Variants in CACNA2D1 observed in about 807,000 individuals in gnomAD.
CACNA2D1 encodes voltage-dependent calcium channel subunit alpha-2/delta-1.
Under a neutral mutation model 171.5 loss-of-function variants are expected in CACNA2D1, and 53 were observed. That is an observed-to-expected ratio of 0.31 (90% CI 0.25 to 0.39). The LOEUF is 0.39. Among genes scored for constraint, CACNA2D1 ranks in the 10% least tolerant of loss-of-function variants. CACNA2D1 has a pLI of 1.00. For synonymous variants in CACNA2D1, 442 were observed against 443.1 expected, an observed-to-expected ratio of 1.00 and a Z score of 0.03; for missense variants, 903 against 1,299.8, an observed-to-expected ratio of 0.69 and a Z score of 4.69.
chr7:82,165,356 T>A (rs1288908811), intron 4 of CACNA2D1, among the ~76,000 whole-genome samples: 1 of 152,046 alleles, frequency 6.6e-6, no homozygotes, highest in African/African-American at 2.4e-5. Flanking sequence ...CGTACTATTG[T>A]CATTTTGGCT....
intron 1 of CACNA2D1, among the ~76,000 whole-genome samples, chr7:82,366,697 T>A (rs1384538070): frequency 1.3e-5 from 2 of 152,162 alleles, no homozygotes; most frequent in Non-Finnish European, 2.9e-5. Context: ...TGTATTTGTC[T>A]CTTTGGCAGA....
At chr7:82,184,105 G>A (rs973604509) in intron 3 of CACNA2D1, among the ~76,000 whole-genome samples, 8 of 150,108 alleles carry the variant, frequency 5.3e-5, no homozygotes, top group Non-Finnish European at 1.2e-4. Flanking sequence ...AATGAAAAGT[G>A]TGATCTTAGA....
At chr7:82,186,371 A>G (rs1256172446) in intron 3 of CACNA2D1, among the ~76,000 whole-genome samples, 2 of 152,144 alleles carry the variant, frequency 1.3e-5, no homozygotes, top group South Asian at 4.1e-4. Context: ...GATTGTCTTT[A>G]TCCCAGACCT....
chr7:82,068,474 T>A (rs913773948), intron 7 of CACNA2D1, among the ~76,000 whole-genome samples: 8 of 152,292 alleles, frequency 5.3e-5, no homozygotes, highest in African/African-American at 1.9e-4. Context: ...TAGAGGCAGT[T>A]GTTATTACAC....
At chr7:82,053,721 A>T (rs1027901500) in intron 10 of CACNA2D1, among the ~76,000 whole-genome samples, 1 of 152,134 alleles carries the variant, frequency 6.6e-6, no homozygotes, top group African/African-American at 2.4e-5. Context: ...AGTTCCATTA[A>T]TTGTGCGTGT....
intron 3 of CACNA2D1, among the ~76,000 whole-genome samples, chr7:82,292,141 G>C (rs1381162572): frequency 6.6e-6 from 1 of 152,084 alleles, no homozygotes; most frequent in African/African-American, 2.4e-5. Flanking sequence ...GTAGTGTGCT[G>C]TGACACTTCC....
chr7:82,344,774 G>C (rs973996441), intron 2 of CACNA2D1, among the ~76,000 whole-genome samples: 1 of 152,102 alleles, frequency 6.6e-6, no homozygotes, highest in African/African-American at 2.4e-5. Flanking sequence ...ACATCGTTAT[G>C]GTGCTGATTT....
At chr7:81,984,591 A>C in intron 22 of CACNA2D1, 44 bp downstream of exon 22, 74 of 1,000,776 alleles carry the variant, frequency 7.4e-5, no homozygotes, top group Non-Finnish European at 1.0e-4. Context: ...ATCTGATACT[A>C]GGAGATAACA....
chr7:82,062,573 T>A (rs1268995034), intron 9 of CACNA2D1, among the ~76,000 whole-genome samples: 1 of 150,332 alleles, frequency 6.7e-6, no homozygotes, highest in African/African-American at 2.5e-5. Context: ...TACATTTGAA[T>A]TATCTTTGAG....
intron 3 of CACNA2D1, among the ~76,000 whole-genome samples, chr7:82,287,768 T>A (rs2129389107): frequency 6.6e-6 from 1 of 152,294 alleles, no homozygotes; most frequent in Admixed American, 6.5e-5. Flanking sequence ...ATCAGCCATC[T>A]AACAACAAAC....
In CACNA2D1 at chr7:82,136,511, T is replaced by C. The variant is rs1431946395; in HGVS notation, c.396+124A>G. 10 of 658,060 alleles carry C rather than the reference T, an allele frequency of 1.5e-5. No homozygotes were observed. The East Asian group carries it at 2.5e-4, about 16-fold the overall frequency. 40.8% of individuals were successfully genotyped at this position (658,060 alleles called of 1,614,324 possible). ...TCTTCATTATCTCGTATCTAACTAGTATTTTGCTCATGCAGTCTAACATTG... is the reference window on the plus strand; with the variant it reads ...TCTTCATTATCTCGTATCTAACTAGCATTTTGCTCATGCAGTCTAACATTG... On this transcript the variant is annotated intron_variant, in intron 5 of 38. Transcript: ENST00000356860.
At chr7:82,359,733 T>C (rs1472386917) in intron 1 of CACNA2D1, among the ~76,000 whole-genome samples, 2 of 152,192 alleles carry the variant, frequency 1.3e-5, no homozygotes, top group Non-Finnish European at 2.9e-5. Context: ...CATACAGACA[T>C]ACTGTTTTAT....
intron 21 of CACNA2D1, among the ~76,000 whole-genome samples, chr7:81,989,274 G>A (rs796501870): frequency 1.6e-4 from 24 of 152,334 alleles, no homozygotes; most frequent in African/African-American, 5.3e-4. Flanking sequence ...ACTGATGGCC[G>A]TGCCAGACTT....
At chr7:82,031,957 G>A (rs1802752481) in intron 12 of CACNA2D1, among the ~76,000 whole-genome samples, 1 of 151,942 alleles carries the variant, frequency 6.6e-6, no homozygotes, top group Non-Finnish European at 1.5e-5. Flanking sequence ...ACACCAGAAA[G>A]AGTTTATAAT....
At chr7:82,339,584 A>C (rs1360215136) in intron 2 of CACNA2D1, among the ~76,000 whole-genome samples, 1 of 152,220 alleles carries the variant, frequency 6.6e-6, no homozygotes, top group Non-Finnish European at 1.5e-5. Flanking sequence ...AGTCAATGGC[A>C]TGTAACGAGC....
intron 1 of CACNA2D1, among the ~76,000 whole-genome samples, chr7:82,398,258 T>G (rs950546606): frequency 2.0e-5 from 3 of 152,230 alleles, no homozygotes; most frequent in Admixed American, 6.5e-5. Flanking sequence ...AATTTCTTCA[T>G]GATTTTTATT....
chr7:82,282,669 T>G (rs1273913986), intron 3 of CACNA2D1, among the ~76,000 whole-genome samples: 8 of 145,036 alleles, frequency 5.5e-5, no homozygotes, highest in African/African-American at 2.1e-4. Flanking sequence ...TCCATTTTAT[T>G]AAACAAAGTG....
intron 6 of CACNA2D1, among the ~76,000 whole-genome samples, chr7:82,110,941 C>T (rs541728681): frequency 1.7e-4 from 26 of 152,122 alleles, no homozygotes; most frequent in Non-Finnish European, 3.5e-4. Flanking sequence ...CCACTCCCCT[C>T]CAATAGAATG....
At chr7:82,048,355 A>G (rs1321831824) in intron 10 of CACNA2D1, among the ~76,000 whole-genome samples, 2 of 152,162 alleles carry the variant, frequency 1.3e-5, no homozygotes, top group Non-Finnish European at 2.9e-5. Flanking sequence ...TGTGCAATAA[A>G]CATGGATTAC....
Sources: gnomAD v4.1 joint callset for allele counts (sites outside exome capture counted in the v4.1 genomes callset) on GRCh38, gnomAD v4.1.1 for gene constraint, MANE v1.5 for transcripts, NCBI Gene and HGNC (gene_info 2026-07-23, HGNC 2026-07-21) for gene names.